The following KIZ variants were observed in gnomAD, a reference collection of about 807,000 sequenced individuals.
KIZ encodes the protein centrosomal protein kizuna.
In KIZ, 68 loss-of-function variants were observed where a neutral mutation model predicts 79.6. The observed-to-expected ratio is 0.85, with a 90% CI of 0.70 to 1.05. The LOEUF is 1.05. Among genes scored for constraint, KIZ ranks in the 50% least tolerant of loss-of-function variants. KIZ has a pLI of 0.00. For missense variants in KIZ, 797 were observed against 800.4 expected (o/e 1.00, Z 0.05); for synonymous variants, 280 against 281.8 (o/e 0.99, Z 0.06).
intron 9 of KIZ, among the ~76,000 whole-genome samples, chr20:21,219,184 T>C (rs2036415118): frequency 6.6e-6 from 1 of 152,098 alleles, no homozygotes; most frequent in Non-Finnish European, 1.5e-5. Flanking sequence ...ATATACCAGG[T>C]AGAATATTTA....
intron 9 of KIZ, among the ~76,000 whole-genome samples, chr20:21,217,987 C>T (rs571434531): frequency 2.6e-4 from 39 of 152,154 alleles, no homozygotes; most frequent in Non-Finnish European, 5.3e-4. Context: ...ACCTGCATAC[C>T]TTCCTTGAGT....
At chr20:21,167,846 G>T (rs914851115) in intron 6 of KIZ, among the ~76,000 whole-genome samples, 1 of 152,038 alleles carries the variant, frequency 6.6e-6, no homozygotes, top group African/African-American at 2.4e-5. Context: ...GAGCCACTGC[G>T]CCTGGCCTAC....
chr20:21,223,835 A>T (rs559110941), intron 9 of KIZ, among the ~76,000 whole-genome samples: 1 of 150,264 alleles, frequency 6.7e-6, no homozygotes, highest in African/African-American at 2.4e-5. Flanking sequence ...ATGCCCAGCT[A>T]ATTTTTGTAT....
chr20:21,235,585 G>A (rs373002104), intron 11 of KIZ, among the ~76,000 whole-genome samples: 23 of 152,284 alleles, frequency 1.5e-4, no homozygotes, highest in East Asian at 3.9e-4. Context: ...TCCCCAGCAA[G>A]CGGTTTTCAC....
chr20:21,216,533 A>G (rs2036301583), intron 9 of KIZ, among the ~76,000 whole-genome samples: 1 of 152,190 alleles, frequency 6.6e-6, no homozygotes, highest in South Asian at 2.1e-4. Flanking sequence ...TAGAGCAGTT[A>G]TTGTATATAT....
intron 6 of KIZ, chr20:21,194,611 G>T (rs1235602019): frequency 6.6e-6 from 1 of 152,182 alleles, no homozygotes; most frequent in Non-Finnish European, 1.5e-5. Flanking sequence ...TAGATCATAA[G>T]CTCTGTGCAT....
Position 21,136,507 on chromosome 20 carries a change from T to C in KIZ, c.270T>C (p.His90=), listed in dbSNP as rs1456462222. Residue 90 remains histidine, a synonymous_variant, in exon 3 of 13, where the codon CAT becomes CAC. Coordinates refer to ENST00000619189, the MANE Select transcript of KIZ (RefSeq NM_018474.6). ...YLKRFERVQA[H]VVHFTTNTEK... is the part of the protein sequence containing the mutation. Reference sequence around the variant, plus strand: ...AGCGATTTGAGCGTGTCCAAGCTCATGTTGTACACTTCACCACAAATACAG... The same window carrying C: ...AGCGATTTGAGCGTGTCCAAGCTCACGTTGTACACTTCACCACAAATACAG... The C allele has an allele frequency of 1.1e-5, 18 of 1,599,006 alleles. No individual in the cohort carries two copies. Among genetic ancestry groups the C allele is most frequent in the Non-Finnish European group, 1.5e-5 (17 of 1,172,380 alleles).
chr20:21,163,099 TGC>T lies in KIZ; in HGVS notation c.1293_1294del (p.Gln432AsnfsTer6), dbSNP rs749011772. 14 of 1,613,924 alleles carry T rather than the reference TGC, an allele frequency of 8.7e-6. No individual in the cohort carries two copies. The Middle Eastern group carries it at 4.9e-4, about 57-fold the overall frequency. On this transcript the variant is annotated frameshift_variant, in exon 6 of 13. Coordinates refer to ENST00000619189, the MANE Select transcript of KIZ (RefSeq NM_018474.6). LOFTEE classifies it high-confidence loss of function. ...CTATCCACTGAAAAAAATTGTATTT[TGC>T]AAACCCTAAGCTCTCCTGATTCAGA...
Position 21,230,060 on chromosome 20 carries a change from GGAAA to G in KIZ, c.1783+946_1783+949del, listed in dbSNP as rs548402594. Among the ~76,000 whole-genome samples, 249 of 152,196 alleles carry G rather than the reference GGAAA, an allele frequency of 1.6e-3. 1 individual carries two copies. Among genetic ancestry groups the G allele is most frequent in the African/African-American group, 5.7e-3 (237 of 41,522 alleles). On this transcript the variant is annotated intron_variant, in intron 10 of 12. Transcript: ENST00000619189. ...TGAGAGTAAATGGATTAATACAGAA[GGAAA>G]TCCACATTAATGACTTTCTTAGCCA...
Position 21,132,158 on chromosome 20 carries a change from A to C in KIZ, c.151A>C (p.Arg51=). 6.9e-7 allele frequency: 1 copy of C among 1,447,504 alleles called. No homozygotes were observed. Among genetic ancestry groups the C allele is most frequent in the Non-Finnish European group, 9.4e-7 (1 of 1,062,454 alleles). The allele number at this position is 1,447,504 out of a possible 1,614,324, so 89.7% of individuals were successfully genotyped here. The stretch of plus-strand genomic sequence containing the variant: ...TGAATATAATCAGTCTGATACATGC[A>C]GGTAAGAGACGACAGTGGGAACAGT... ...LYEYNQSDTC[R]VKLKYVKLKN... The change falls in exon 2 of 13, where the codon AGA becomes CGA. Residue 51 remains arginine, a splice_region_variant and synonymous_variant. Transcript: ENST00000619189.
intron 3 of KIZ, among the ~76,000 whole-genome samples, chr20:21,144,852 T>G (rs187977944): frequency 5.1e-4 from 78 of 152,336 alleles, no homozygotes; most frequent in African/African-American, 1.6e-3. Context: ...CCACAATCCA[T>G]GACTTTTTTA....
chr20:21,153,694 A>C (rs186886203), intron 4 of KIZ, among the ~76,000 whole-genome samples: 16 of 152,314 alleles, frequency 1.1e-4, no homozygotes, highest in African/African-American at 3.8e-4. Context: ...GTCCAAGATC[A>C]AGGTGCCAAC....
At chr20:21,158,158 A>G (rs1448984115) in intron 4 of KIZ, among the ~76,000 whole-genome samples, 2 of 152,220 alleles carry the variant, frequency 1.3e-5, no homozygotes, top group East Asian at 1.9e-4. Flanking sequence ...CTTTGTTATT[A>G]TATCAGTGTA....
In KIZ at chr20:21,235,766, C is replaced by T. The variant is rs139340193; in HGVS notation, c.1880+2936C>T. Among the ~76,000 whole-genome samples the T allele has an allele frequency of 1.0e-3, 157 of 152,292 alleles. 2 individuals carry two copies. Among genetic ancestry groups the T allele is most frequent in the African/African-American group, 3.6e-3 (149 of 41,558 alleles). On this transcript the variant is annotated intron_variant, in intron 11 of 12. Coordinates refer to ENST00000619189, the MANE Select transcript of KIZ (RefSeq NM_018474.6). ...CTGGGGGAAAGGTAGCAGAAGTCAC[C>T]CCGCCACTGTACCCTGGCAGGGCCA...
intron 7 of KIZ, among the ~76,000 whole-genome samples, chr20:21,212,717 G>A (rs977031454): frequency 1.3e-5 from 2 of 152,200 alleles, no homozygotes; most frequent in African/African-American, 4.8e-5. Context: ...AGGGCTCAGT[G>A]CAGAACTGTT....
chr20:21,244,326 GTT>G, intron 12 of KIZ, 38 bp downstream of exon 12: 1 of 1,444,586 alleles, frequency 6.9e-7, no homozygotes, highest in Non-Finnish European at 9.7e-7. Context: ...TTCTTTTTCT[GTT>G]TTAACCAAAA....
At chr20:21,161,421 G>C (rs2033648210) in intron 4 of KIZ, among the ~76,000 whole-genome samples, 1 of 152,070 alleles carries the variant, frequency 6.6e-6, no homozygotes, top group Non-Finnish European at 1.5e-5. Context: ...AGCCTCTGCT[G>C]CCCGGGTTCA....
At chr20:21,166,218 T>A in intron 6 of KIZ, 1 of 1,558,278 alleles carries the variant, frequency 6.4e-7, no homozygotes, top group East Asian at 2.3e-5. Flanking sequence ...AGAAAAAGAA[T>A]TCCAGGATTT....
intron 6 of KIZ, among the ~76,000 whole-genome samples, chr20:21,186,369 G>A (rs1300109097): frequency 1.3e-5 from 2 of 151,680 alleles, no homozygotes; most frequent in Non-Finnish European, 2.9e-5. Flanking sequence ...GTTGTTTTAG[G>A]AGCATGACTG....
Sources: gnomAD v4.1 joint callset for allele counts (sites outside exome capture counted in the v4.1 genomes callset) on GRCh38, gnomAD v4.1.1 for gene constraint, MANE v1.5 for transcripts, NCBI Gene and HGNC (gene_info 2026-07-23, HGNC 2026-07-21) for gene names.